Variants in ZNF445 observed in about 807,000 individuals in gnomAD.
The protein encoded by ZNF445 is zinc finger protein 168.
A neutral mutation model predicts 93.9 loss-of-function variants in ZNF445; 19 were observed. The observed-to-expected ratio is 0.20, with a 90% CI of 0.14 to 0.30. The LOEUF (loss-of-function observed/expected upper bound fraction) is 0.30, where lower values mean the gene tolerates loss of function less well. ZNF445 is among the 10% of genes least tolerant of loss of function. The pLI, the probability that ZNF445 is intolerant of heterozygous loss-of-function variation, is 1.00. For synonymous variants in ZNF445, 449 were observed against 446.3 expected, an observed-to-expected ratio of 1.01 and a Z score of -0.08; for missense variants, 1,058 against 1,259.4, an observed-to-expected ratio of 0.84 and a Z score of 2.42.
chr3:44,453,301 T>A (rs9756042), intron 3 of ZNF445, among the ~76,000 whole-genome samples: 106,227 of 151,210 alleles, frequency 0.7, 37,890 homozygotes, highest in East Asian at 1. Flanking sequence ...TTTTTTTTTT[T>A]AATTTTTTTT....
In ZNF445 at chr3:44,477,599, G is replaced by T. The variant is rs1698386175; in HGVS notation, c.-277C>A. 1 of 147,920 alleles carries T rather than the reference G, an allele frequency of 6.8e-6. No homozygotes were observed. The highest frequency in any genetic ancestry group is 6.8e-5 in the Admixed American group (1 of 14,768). The allele number at this position is 147,920 out of a possible 1,614,324, so 9.2% of individuals were successfully genotyped here. Reference sequence around the variant, plus strand: ...CCCGCCAGGCCTCTCACCGACTCCCGCCGCCGAGCGACAATCGGTCCACCC... The same window carrying T: ...CCCGCCAGGCCTCTCACCGACTCCCTCCGCCGAGCGACAATCGGTCCACCC... On this transcript the variant is annotated 5_prime_UTR_variant, in exon 1 of 8. Transcript: ENST00000396077.
intron 1 of ZNF445, among the ~76,000 whole-genome samples, chr3:44,469,356 G>A (rs769126174): frequency 3.3e-5 from 5 of 152,294 alleles, no homozygotes; most frequent in Admixed American, 6.5e-5. Flanking sequence ...GTCTACACAG[G>A]TGGTGTGTGT....
At chr3:44,464,439 CTGAT>C (rs1698164349) in intron 1 of ZNF445, among the ~76,000 whole-genome samples, 1 of 152,192 alleles carries the variant, frequency 6.6e-6, no homozygotes, top group Non-Finnish European at 1.5e-5. Context: ...CAAAAGAGCT[CTGAT>C]TGGCTTAGGA....
intron 3 of ZNF445, chr3:44,454,740 T>C (rs1001887703): frequency 1.8e-5 from 4 of 217,852 alleles, no homozygotes; most frequent in Non-Finnish European, 3.7e-5. Flanking sequence ...TTTTAAATTA[T>C]GTATAGAGAC....
At position 44,451,315 on chromosome 3, in the gene ZNF445, G is replaced by C; in HGVS notation, c.597C>G (p.Ser199=). 6.2e-7 allele frequency: 1 copy of C among 1,612,468 alleles called. No homozygotes were observed. Among genetic ancestry groups the C allele is most frequent in the Non-Finnish European group, 8.5e-7 (1 of 1,178,644 alleles). The part of the protein sequence containing the change: ...IEARDFLAGQ[S]DTPAAQMPAL... ...GTCTTAAGGCCAGGCAGCAAGTACC[G>C]GATTGCCCAGCCAGGAAGTCACGTG... Residue 199 remains serine (S), a splice_region_variant and synonymous_variant, in exon 4 of 8, where the codon TCC becomes TCG. Coordinates refer to ENST00000396077, the MANE Select transcript of ZNF445 (RefSeq NM_181489.6).
At position 44,454,896 on chromosome 3, in the gene ZNF445, A is replaced by C. The variant is rs763022556; in HGVS notation, c.429+225T>G. On this transcript the variant is annotated intron_variant, in intron 3 of 7. Coordinates refer to ENST00000396077, the MANE Select transcript of ZNF445 (RefSeq NM_181489.6). ...TGCTGTTATTTATGGAGACTTGCTG[A>C]CCCTATCTGGAGCTGATATTCCTCT... 8.7e-5 allele frequency: 51 copies of C among 583,874 alleles called. No individual in the cohort carries two copies. In the Middle Eastern group the frequency reaches 1.3e-3, roughly 15 times the overall value. 36.2% of individuals were successfully genotyped at this position (583,874 alleles called of 1,614,324 possible).
At chr3:44,465,904 ACTT>A (rs1384761362) in intron 1 of ZNF445, among the ~76,000 whole-genome samples, 1 of 152,180 alleles carries the variant, frequency 6.6e-6, no homozygotes, top group African/African-American at 2.4e-5. Flanking sequence ...ACAGAGTAAG[ACTT>A]CGTCTCAAAA....
At position 44,445,217 on chromosome 3, in the gene ZNF445, T is replaced by C. The variant is rs1336511211; in HGVS notation, c.*1358A>G. On this transcript the variant is annotated 3_prime_UTR_variant, in exon 8 of 8. Coordinates refer to ENST00000396077, the MANE Select transcript of ZNF445 (RefSeq NM_181489.6). ...CATGAACACAACAATGGTAAGCGTT[T>C]ATATCTGCTGAGGCCGAGGATCCTA... is the stretch of plus-strand genomic sequence containing the variant. The C allele has an allele frequency of 6.6e-6, 1 of 152,258 alleles. No homozygotes were observed. The highest frequency in any genetic ancestry group is 6.5e-5 in the Admixed American group (1 of 15,286). The allele number at this position is 152,258 out of a possible 1,614,324, so 9.4% of individuals were successfully genotyped here.
At chr3:44,453,982 C>A (rs972048077) in intron 3 of ZNF445, among the ~76,000 whole-genome samples, 8 of 152,032 alleles carry the variant, frequency 5.3e-5, no homozygotes, top group Non-Finnish European at 1.2e-4. Context: ...ATCTTCCCTG[C>A]CTCCCATCTC....
At position 44,436,266 on chromosome 3, in the gene ZNF445, C is replaced by G. The variant is rs917344009; in HGVS notation, c.*10309G>C. On this transcript the variant is annotated 3_prime_UTR_variant, in exon 8 of 8. Transcript: ENST00000396077. ...GACACTATGATCAGCAGGCAGACATCACAGATCTCTGTGGGTCAGACCATT... is the reference window on the plus strand; with the variant it reads ...GACACTATGATCAGCAGGCAGACATGACAGATCTCTGTGGGTCAGACCATT... 3 of 152,256 alleles carry G rather than the reference C, an allele frequency of 2.0e-5. No homozygotes were observed. Among genetic ancestry groups the G allele is most frequent in the African/African-American group, 7.2e-5 (3 of 41,466 alleles). The allele number at this position is 152,256 out of a possible 1,614,324, so 9.4% of individuals were successfully genotyped here. A position where few individuals can be genotyped will look rare whatever the true frequency, so the allele number is the denominator to read the frequency against.
Position 44,446,462 on chromosome 3 carries a change from C to T in ZNF445, c.*113G>A. ...ATCCTTGGGATTCTGTCACTAGCTT[C>T]CAAAACAGAAAGGGCTGGGCCCTTT... On this transcript the variant is annotated 3_prime_UTR_variant, in exon 8 of 8. Transcript: ENST00000396077. This position sits in a 1 kb window ranked among gnomAD's most constrained non-coding sequence, Gnocchi z 4.2. The T allele has an allele frequency of 6.7e-7, 1 of 1,485,192 alleles. No homozygotes were observed. Among genetic ancestry groups the T allele is most frequent in the Admixed American group, 2.2e-5 (1 of 45,400 alleles). 92.0% of individuals were successfully genotyped at this position (1,485,192 alleles called of 1,614,324 possible). A position where few individuals can be genotyped will look rare whatever the true frequency, so the allele number is the denominator to read the frequency against.
intron 1 of ZNF445, among the ~76,000 whole-genome samples, chr3:44,476,181 T>C (rs1698349402): frequency 2.0e-5 from 3 of 152,356 alleles, no homozygotes; most frequent in South Asian, 2.1e-4. Context: ...TACAGTGTTA[T>C]GTTTTACTAT....
Position 44,446,808 on chromosome 3 carries a change from A to C in ZNF445, c.2863T>G (p.Cys955Gly). 1.2e-6 allele frequency: 2 copies of C among 1,614,208 alleles called. No homozygotes were observed. The highest frequency in any genetic ancestry group is 1.7e-6 in the Non-Finnish European group (2 of 1,180,048). Residue 955 changes from cysteine to glycine, a missense_variant, in exon 8 of 8, where the codon TGC (cysteine) becomes GGC (glycine). By Grantham distance (159) the Cys-to-Gly change is radical. Transcript: ENST00000396077. This position sits in a 1 kb window ranked among gnomAD's most constrained non-coding sequence, Gnocchi z 4.2. ...KPSEEMPLED[C>G]KEACSQSSRL... ...GAGCTCTGGCTGCAAGCTTCTTTGC[A>C]GTCTTCGAGGGGCATCTCTTCACTT...
rs951316404 is a variant in ZNF445 at position 44,440,651 on chromosome 3, T to C, written c.*5924A>G. Reference sequence around the variant, plus strand: ...TCCCCAAGAGAGAGTTCTTGGACCTTGCTCAAGAAAAGAATTCGGGCGAGT... The same window carrying C: ...TCCCCAAGAGAGAGTTCTTGGACCTCGCTCAAGAAAAGAATTCGGGCGAGT... On this transcript the variant is annotated 3_prime_UTR_variant, in exon 8 of 8. Coordinates refer to ENST00000396077, the MANE Select transcript of ZNF445 (RefSeq NM_181489.6). The C allele has an allele frequency of 1.3e-5, 2 of 152,184 alleles. No individual in the cohort carries two copies. The highest frequency in any genetic ancestry group is 2.9e-5 in the Non-Finnish European group (2 of 68,022). 9.4% of individuals were successfully genotyped at this position (152,184 alleles called of 1,614,324 possible). A position where few individuals can be genotyped will look rare whatever the true frequency, so the allele number is the denominator to read the frequency against.
Position 44,450,535 on chromosome 3 carries a change from G to A in ZNF445, c.732C>T (p.Ser244=). ...AGTCCAGCCACCCCCACTCGTCCTG[G>A]GAGAAGGTCACCTCCACATCCTTGA... ...MTFKDVEVTF[S]QDEWGWLDSA... The change falls in exon 6 of 8, where the codon TCC becomes TCT. Residue 244 remains serine, a synonymous_variant. Coordinates refer to ENST00000396077, the MANE Select transcript of ZNF445 (RefSeq NM_181489.6). 6.2e-7 allele frequency: 1 copy of A among 1,614,110 alleles called. No homozygotes were observed. Among genetic ancestry groups the A allele is most frequent in the Non-Finnish European group, 8.5e-7 (1 of 1,180,026 alleles).
Position 44,447,924 on chromosome 3 carries a change from C to G in ZNF445, c.1747G>C (p.Gly583Arg). ...QYRAALTYSS[G>R]FDHHLGDQSG... ...TGGTCTCCCAAATGATGATCAAACC[C>G]TGAGCTGTAGGTGAGAGCTGCCCTA... The change falls in exon 8 of 8, where the codon GGG becomes CGG. Residue 583 changes from glycine (G) to arginine (R), a missense_variant. Physicochemically the swap from Gly to Arg is moderately radical, Grantham distance 125 (BLOSUM62 -2). Coordinates refer to ENST00000396077, the MANE Select transcript of ZNF445 (RefSeq NM_181489.6). The surrounding 1 kb of genome is among the most constrained non-coding windows in gnomAD (Gnocchi z 4.7). The G allele has an allele frequency of 6.2e-7, 1 of 1,613,674 alleles. No homozygotes were observed. Among genetic ancestry groups the G allele is most frequent in the East Asian group, 2.2e-5 (1 of 44,868 alleles).
chr3:44,461,085 GTGTC>G (rs1478358877), intron 1 of ZNF445, among the ~76,000 whole-genome samples: 1 of 152,212 alleles, frequency 6.6e-6, no homozygotes, highest in Non-Finnish European at 1.5e-5. Flanking sequence ...CTACCACAGG[GTGTC>G]TGTCTGTAGC....
rs1243812455 is a variant in ZNF445, at chr3:44,453,621, G to A, written c.429+1500C>T. Among the ~76,000 whole-genome samples the A allele has an allele frequency of 2.0e-5, 3 of 152,136 alleles. No homozygotes were observed. The East Asian group carries it at 5.8e-4, about 29-fold the overall frequency. ...GAATCATGTATTTTTATATAAAGAA[G>A]CCTTAAAAAAGTGATAAATGCTTTT... is the stretch of plus-strand genomic sequence containing the variant. On this transcript the variant is annotated intron_variant, in intron 3 of 7. Coordinates refer to ENST00000396077, the MANE Select transcript of ZNF445 (RefSeq NM_181489.6).
At position 44,451,316 on chromosome 3, in the gene ZNF445, G is replaced by A; in HGVS notation, c.596C>T (p.Ser199Phe). The A allele has an allele frequency of 6.2e-7, 1 of 1,612,620 alleles. No individual in the cohort carries two copies. ...IEARDFLAGQ[S>F]DTPAAQMPAL... ...TCTTAAGGCCAGGCAGCAAGTACCGGATTGCCCAGCCAGGAAGTCACGTGC... is the reference window on the plus strand; with the variant it reads ...TCTTAAGGCCAGGCAGCAAGTACCGAATTGCCCAGCCAGGAAGTCACGTGC... The change falls in exon 4 of 8, where the codon TCC becomes TTC. Residue 199 changes from serine (S) to phenylalanine (F), a missense_variant and splice_region_variant. This residue lies in a region of ZNF445 where 657 missense variants were observed against 746.4 expected (regional missense o/e 0.88). Transcript: ENST00000396077.
Sources: allele counts gnomAD v4.1 joint callset (sites outside exome capture counted in the v4.1 genomes callset), GRCh38; gene constraint gnomAD v4.1.1; regional missense constraint gnomAD v4.1.1; non-coding constraint Gnocchi (gnomAD v3.1); transcripts MANE v1.5; gene names NCBI Gene and HGNC (gene_info 2026-07-23, HGNC 2026-07-21).